Variants in SGCD observed in about 807,000 individuals in gnomAD.
The protein encoded by SGCD is delta-sarcoglycan.
SGCD carries 18 observed loss-of-function variants against 36.6 expected under a neutral mutation model. The observed-to-expected ratio is 0.49, with a 90% CI of 0.34 to 0.73. The LOEUF is 0.73. SGCD is among the 30% of genes least tolerant of loss of function. The pLI, the probability that SGCD is intolerant of heterozygous loss-of-function variation, is 0.01. For synonymous variants in SGCD, 133 were observed against 130.6 expected, an observed-to-expected ratio of 1.02 and a Z score of -0.12; for missense variants, 387 against 346.7, an observed-to-expected ratio of 1.12 and a Z score of -0.92.
intron 3 of SGCD, among the ~76,000 whole-genome samples, chr5:156,385,228 C>A (rs1771210443): frequency 6.6e-6 from 1 of 152,156 alleles, no homozygotes; most frequent in African/African-American, 2.4e-5. Context: ...TTTCTAGCTT[C>A]ATTTTCTCTT....
At chr5:156,682,005 A>G (rs1040698591) in intron 7 of SGCD, among the ~76,000 whole-genome samples, 4 of 152,228 alleles carry the variant, frequency 2.6e-5, no homozygotes, top group African/African-American at 7.2e-5. Context: ...TGTACCTAAA[A>G]TAACATGTTC....
the SGCD span, among the ~76,000 whole-genome samples, chr5:155,861,020 A>G: frequency 6.6e-6 from 1 of 152,210 alleles, no homozygotes; most frequent in Non-Finnish European, 1.5e-5. Context: ...ATTGGAAGGT[A>G]TTGAATAGCG....
chr5:155,859,697 A>G, the SGCD span, among the ~76,000 whole-genome samples: 10 of 152,178 alleles, frequency 6.6e-5, no homozygotes, highest in Non-Finnish European at 8.8e-5. Flanking sequence ...TTATGGATGC[A>G]TAGCATTCCA....
Position 155,975,609 on chromosome 5 carries a change from C to CCTTT in SGCD, c.-282+105185_-282+105186insCTTT, listed in dbSNP as rs1758096365. 2.6e-3 allele frequency among the ~76,000 whole-genome samples: 73 copies of CCTTT among 28,022 alleles called. 6 individuals carry two copies. Among genetic ancestry groups the CCTTT allele is most frequent in the Non-Finnish European group, 3.4e-3 (49 of 14,588 alleles). 18.4% of individuals were successfully genotyped at this position (28,022 alleles called of 152,430 possible). ...TGTGTTATTTATTTTTCTTTCTTTC[C>CCTTT]TTTTTTTTTTTTTTTTTTTTTTTTT... On this transcript the variant is annotated intron_variant, in intron 1 of 9. Coordinates refer to the SGCD transcript ENST00000517913.
rs1039326416 is a variant in SGCD, at chr5:156,426,019, A to G, written c.192+81342A>G. ...AATTGTGAATTACGCTGCTAGAAACATGCATGTGCATGGGTCTCTTTCATG... is the reference window on the plus strand; with the variant it reads ...AATTGTGAATTACGCTGCTAGAAACGTGCATGTGCATGGGTCTCTTTCATG... On this transcript the variant is annotated intron_variant, in intron 3 of 8. Coordinates refer to ENST00000337851, the MANE Select transcript of SGCD (RefSeq NM_000337.6). Among the ~76,000 whole-genome samples, 4 of 152,234 alleles carry G rather than the reference A, an allele frequency of 2.6e-5. No homozygotes were observed. The East Asian group carries it at 7.7e-4, about 29-fold the overall frequency.
intron 3 of SGCD, among the ~76,000 whole-genome samples, chr5:156,316,735 T>C (rs1408524305): frequency 6.6e-6 from 1 of 152,006 alleles, no homozygotes; most frequent in African/African-American, 2.4e-5. Context: ...ATAAATGATA[T>C]TGGAAAGTTC....
intron 1 of SGCD, among the ~76,000 whole-genome samples, chr5:156,079,343 C>A (rs1760886334): frequency 6.6e-6 from 1 of 152,126 alleles, no homozygotes; most frequent in South Asian, 2.1e-4. Context: ...ATAATCAAAC[C>A]ATATCATTCC....
At chr5:156,605,084 T>C (rs1313776462) in intron 6 of SGCD, among the ~76,000 whole-genome samples, 2 of 152,100 alleles carry the variant, frequency 1.3e-5, no homozygotes, top group African/African-American at 4.8e-5. Flanking sequence ...AGTTTTAGGG[T>C]ACATGTGCAC....
At chr5:155,880,086 C>G (rs896852775) in intron 1 of SGCD, among the ~76,000 whole-genome samples, 5 of 152,198 alleles carry the variant, frequency 3.3e-5, no homozygotes, top group African/African-American at 1.2e-4. Flanking sequence ...AATTTAAGAG[C>G]TCTGAAGTTA....
At chr5:155,960,026 A>G (rs1757759353) in intron 1 of SGCD, among the ~76,000 whole-genome samples, 3 of 152,106 alleles carry the variant, frequency 2.0e-5, no homozygotes, top group South Asian at 2.1e-4. Flanking sequence ...GACACAGACA[A>G]AAGTTACCAA....
the SGCD span, among the ~76,000 whole-genome samples, chr5:155,826,511 C>A: frequency 6.6e-6 from 1 of 152,180 alleles, no homozygotes; most frequent in African/African-American, 2.4e-5. Flanking sequence ...CTCTCCCTGG[C>A]CATCTTTCTG....
intron 1 of SGCD, among the ~76,000 whole-genome samples, chr5:155,955,674 CAT>C (rs1757635542): frequency 6.6e-6 from 1 of 152,104 alleles, no homozygotes; most frequent in South Asian, 2.1e-4. Flanking sequence ...TGGACACACA[CAT>C]GAGCATGTTG....
intron 1 of SGCD, among the ~76,000 whole-genome samples, chr5:156,033,292 T>C (rs562753113): frequency 2.0e-5 from 3 of 152,240 alleles, no homozygotes; most frequent in Admixed American, 6.5e-5. Context: ...TACATACATA[T>C]ATTGCATAAT....
At chr5:156,182,587 G>T (rs999615483) in intron 3 of SGCD, among the ~76,000 whole-genome samples, 1 of 152,120 alleles carries the variant, frequency 6.6e-6, no homozygotes, top group African/African-American at 2.4e-5. Context: ...ATAGAGTGAG[G>T]CTCTGTGTCA....
intron 3 of SGCD, among the ~76,000 whole-genome samples, chr5:156,197,526 G>A (rs915831264): frequency 2.7e-5 from 4 of 146,248 alleles, no homozygotes; most frequent in African/African-American, 1.0e-4. Flanking sequence ...CAGTATTAGG[G>A]TTGAAAGAGA....
At chr5:155,834,616 A>G in the SGCD span, among the ~76,000 whole-genome samples, 1 of 152,286 alleles carries the variant, frequency 6.6e-6, no homozygotes, top group Non-Finnish European at 1.5e-5. Context: ...GCCACGTTTC[A>G]CACACTATAT....
chr5:156,277,516 C>T (rs368692394), intron 3 of SGCD, among the ~76,000 whole-genome samples: 25 of 152,174 alleles, frequency 1.6e-4, no homozygotes, highest in Middle Eastern at 6.8e-3. Context: ...AGAGTATTGA[C>T]CACAGCATAA....
intron 3 of SGCD, among the ~76,000 whole-genome samples, chr5:156,473,925 C>A (rs1379495323): frequency 6.6e-6 from 1 of 150,902 alleles, no homozygotes; most frequent in East Asian, 1.9e-4. Flanking sequence ...ATTTTAATAC[C>A]TTTGATACCA....
the SGCD span, among the ~76,000 whole-genome samples, chr5:155,844,617 C>G: frequency 0.018 from 2,719 of 152,262 alleles, 87 homozygotes; most frequent in African/African-American, 0.061. Context: ...CAAGTGTTTT[C>G]CAGTCACTTC....
Sources: gnomAD v4.1 joint callset for allele counts (sites outside exome capture counted in the v4.1 genomes callset) on GRCh38, gnomAD v4.1.1 for gene constraint, MANE v1.5 for transcripts, NCBI Gene and HGNC (gene_info 2026-07-23, HGNC 2026-07-21) for gene names.